TRDN: variants seen among roughly 807,000 people sequenced by gnomAD.
TRDN encodes triadin, also known as triadin in skeletal muscle.
Under a neutral mutation model 149.7 loss-of-function variants are expected in TRDN, and 161 were observed. The observed-to-expected ratio is 1.08, with a 90% CI of 0.95 to 1.23. The LOEUF (loss-of-function observed/expected upper bound fraction) is 1.23, where lower values mean the gene tolerates loss of function less well. Among genes scored for constraint, TRDN ranks in the 50% most tolerant of loss-of-function variants. The pLI is 0.00. For synonymous variants in TRDN, 294 were observed against 250.5 expected, an observed-to-expected ratio of 1.17 and a Z score of -1.64; for missense variants, 896 against 823.5, an observed-to-expected ratio of 1.09 and a Z score of -1.08.
chr6:123,454,535 G>C (rs1406465747), intron 10 of TRDN, among the ~76,000 whole-genome samples: 1 of 152,236 alleles, frequency 6.6e-6, no homozygotes, highest in East Asian at 1.9e-4. Context: ...TGAGGAAATG[G>C]GCTCAGGAAA....
intron 21 of TRDN, chr6:123,349,472 A>C: frequency 1.1e-6 from 1 of 874,352 alleles, no homozygotes. Context: ...ATTCACAGGA[A>C]TCTATAATAT....
At chr6:123,441,876 T>C (rs568027415) in intron 10 of TRDN, 3 of 152,194 alleles carry the variant, frequency 2.0e-5, no homozygotes, top group Admixed American at 6.5e-5. Flanking sequence ...ATCAGATGAG[T>C]GCTTTTATTC....
At chr6:123,593,917 G>A (rs796990654) in intron 1 of TRDN, among the ~76,000 whole-genome samples, 6 of 152,238 alleles carry the variant, frequency 3.9e-5, no homozygotes, top group African/African-American at 1.4e-4. Context: ...AATGAGTTGT[G>A]TAAAATAAAA....
At chr6:123,630,703 A>G (rs1049027937) in intron 1 of TRDN, among the ~76,000 whole-genome samples, 1 of 151,986 alleles carries the variant, frequency 6.6e-6, no homozygotes, top group African/African-American at 2.4e-5. Context: ...ATAATAATAA[A>G]AACTACAAGA....
chr6:123,226,891 T>C (rs543839474), intron 38 of TRDN, among the ~76,000 whole-genome samples: 1 of 151,788 alleles, frequency 6.6e-6, no homozygotes, highest in African/African-American at 2.4e-5. Context: ...AAATGTTTAA[T>C]GAAGGAAGTA....
chr6:123,332,911 C>T (rs1032772759), intron 22 of TRDN, among the ~76,000 whole-genome samples: 2 of 151,908 alleles, frequency 1.3e-5, no homozygotes, highest in Non-Finnish European at 1.5e-5. Flanking sequence ...CTGCATCTTT[C>T]AAAGCAAAAT....
rs1776416088 is a variant in TRDN, at chr6:123,461,014, A to G, written c.931+3892T>C. ...TTGTCCCAACAACTTTAACATCTCT[A>G]TCATATCTACAGTTGCTATTTAACC... On this transcript the variant is annotated intron_variant, in intron 10 of 40. Transcript: ENST00000334268. Among the ~76,000 whole-genome samples, 5 of 152,228 alleles carry G rather than the reference A, an allele frequency of 3.3e-5. No homozygotes were observed. The South Asian group carries it at 8.3e-4, about 25-fold the overall frequency.
At chr6:123,440,827 T>A (rs1774836176) in intron 10 of TRDN, 1 of 152,194 alleles carries the variant, frequency 6.6e-6, no homozygotes, top group African/African-American at 2.4e-5. Flanking sequence ...TAGACAATGC[T>A]CTTGTGCAAC....
rs533111309 is a variant in TRDN, at chr6:123,464,443, C to T, written c.931+463G>A. On this transcript the variant is annotated intron_variant, in intron 10 of 40. Transcript: ENST00000334268. The stretch of plus-strand genomic sequence containing the variant: ...TCACAATAACGCTAGGAGATCAGTG[C>T]TCTGCTTATATCATCTTAGAGATGG... 1.7e-5 allele frequency: 16 copies of T among 954,088 alleles called. No homozygotes were observed. In the African/African-American group the frequency reaches 2.7e-4, roughly 16 times the overall value. The allele number at this position is 954,088 out of a possible 1,614,324, so 59.1% of individuals were successfully genotyped here.
chr6:123,413,283 C>T (rs1048165879), intron 12 of TRDN, among the ~76,000 whole-genome samples: 2 of 152,294 alleles, frequency 1.3e-5, no homozygotes, highest in South Asian at 4.1e-4. Context: ...GAATCTTGGA[C>T]TCAATGTCCT....
intron 16 of TRDN, among the ~76,000 whole-genome samples, chr6:123,380,652 T>A (rs887280180): frequency 3.3e-5 from 5 of 152,110 alleles, no homozygotes; most frequent in African/African-American, 1.2e-4. Flanking sequence ...ATCACTAGAA[T>A]CTTAAAATCT....
intron 12 of TRDN, among the ~76,000 whole-genome samples, chr6:123,411,078 G>A (rs1473577304): frequency 1.2e-4 from 17 of 144,024 alleles, no homozygotes; most frequent in Admixed American, 7.9e-4. Context: ...TCAGAGTCTC[G>A]CTCTGTTGCC....
chr6:123,460,669 A>G (rs1026308811), intron 10 of TRDN, among the ~76,000 whole-genome samples: 1 of 152,004 alleles, frequency 6.6e-6, no homozygotes, highest in Non-Finnish European at 1.5e-5. Flanking sequence ...TTCTCAGGAT[A>G]TATCTCACTG....
intron 9 of TRDN, among the ~76,000 whole-genome samples, chr6:123,477,810 C>CA (rs1235447939): frequency 6.7e-6 from 1 of 148,984 alleles, no homozygotes; most frequent in Non-Finnish European, 1.5e-5. Context: ...ATCGCAAGAA[C>CA]AAAAAACCAA....
rs1776066113 is a variant in TRDN, at chr6:123,243,538, A to C, written c.1975+8874T>G. ...AAAAACAATACAGAGAAGTCAGGAA[A>C]ACAATTTAGGATATGAATCGGAAAT... is the stretch of plus-strand genomic sequence containing the variant. On this transcript the variant is annotated intron_variant, in intron 38 of 40. Transcript: ENST00000334268. Among the ~76,000 whole-genome samples, 3 of 152,226 alleles carry C rather than the reference A, an allele frequency of 2.0e-5. 1 individual carries two copies. In the South Asian group the frequency reaches 6.2e-4, roughly 31 times the overall value.
Position 123,499,719 on chromosome 6 carries a change from A to AAAAAAAAAAAAAAAT in TRDN, c.794-2468_794-2467insATTTTTTTTTTTTTT. On this transcript the variant is annotated intron_variant, in intron 8 of 40. Transcript: ENST00000334268. ...ATTCTGGCTCAAAAAAAAAAAAAAAAATATATATATATATATATATATATA... is the reference window on the plus strand; with the variant it reads ...ATTCTGGCTCAAAAAAAAAAAAAAAAAAAAAAAAAAAAAATATATATATATATATATATATATATA... Among the ~76,000 whole-genome samples, 55 of 47,672 alleles carry AAAAAAAAAAAAAAAT rather than the reference A, an allele frequency of 1.2e-3. 2 individuals carry two copies. The highest frequency in any genetic ancestry group is 3.0e-3 in the African/African-American group (42 of 14,010). 31.3% of individuals were successfully genotyped at this position (47,672 alleles called of 152,430 possible).
chr6:123,441,554 A>G (rs912020852), intron 10 of TRDN, among the ~76,000 whole-genome samples: 2 of 152,196 alleles, frequency 1.3e-5, no homozygotes, highest in Non-Finnish European at 2.9e-5. Context: ...TTGGGAAAGA[A>G]ATCTTCCCTA....
chr6:123,507,799 A>G (rs991393093), intron 7 of TRDN, among the ~76,000 whole-genome samples: 2 of 152,216 alleles, frequency 1.3e-5, no homozygotes, highest in Admixed American at 6.5e-5. Flanking sequence ...ATTTGATTCA[A>G]TCTTGGAATT....
At chr6:123,577,865 A>T (rs1562401220) in intron 1 of TRDN, among the ~76,000 whole-genome samples, 1 of 152,140 alleles carries the variant, frequency 6.6e-6, no homozygotes, top group East Asian at 1.9e-4. Flanking sequence ...TGTAGTTTTC[A>T]TTTGCATTTC....
Sources: gnomAD v4.1 joint callset for allele counts (sites outside exome capture counted in the v4.1 genomes callset) on GRCh38, gnomAD v4.1.1 for gene constraint, MANE v1.5 for transcripts, NCBI Gene and HGNC (gene_info 2026-07-23, HGNC 2026-07-21) for gene names.